SYNM: variants seen among roughly 807,000 people sequenced by gnomAD.
The protein encoded by SYNM is synemin, also known as desmuslin.
In SYNM, 95 loss-of-function variants were observed where a neutral mutation model predicts 104.0. The observed-to-expected ratio is 0.91, with a 90% CI of 0.77 to 1.08. SYNM has a LOEUF of 1.08. SYNM is among the 50% of genes least tolerant of loss of function. The pLI, the probability that SYNM is intolerant of heterozygous loss-of-function variation, is 0.00. For synonymous variants in SYNM, 918 were observed against 869.0 expected (o/e 1.06, Z -0.99); for missense variants, 2,150 against 2,052.2 (o/e 1.05, Z -0.92).
At position 99,132,484 on chromosome 15, in the gene SYNM, T is replaced by C; in HGVS notation, c.4124T>C (p.Val1375Ala). 1.2e-6 allele frequency: 2 copies of C among 1,613,974 alleles called. No homozygotes were observed. Among genetic ancestry groups the C allele is most frequent in the African/African-American group, 2.7e-5 (2 of 75,030 alleles). The change falls in exon 4 of 4, where the codon GTC (valine) becomes GCC (alanine). Residue 1375 changes from valine (V) to alanine (A), a missense_variant. Transcript: ENST00000336292. ...VMTEKSTFQSVVSESPQEDSA... is the reference protein window; with the variant it reads ...VMTEKSTFQSAVSESPQEDSA... The stretch of plus-strand genomic sequence containing the variant: ...ACTGAAAAGAGCACCTTCCAAAGTG[T>C]CGTTTCTGAATCTCCCCAGGAGGAT...
chr15:99,139,835 A>G (rs908292849), downstream of SYNM: 5 of 1,028,466 alleles, frequency 4.9e-6, no homozygotes, highest in Non-Finnish European at 6.5e-6. Context: ...TCTTGACTAC[A>G]CAGCAATGTC....
At chr15:99,139,899 G>T, downstream of SYNM, 1 of 485,884 alleles carries the variant, frequency 2.1e-6, no homozygotes, top group Non-Finnish European at 3.3e-6. Flanking sequence ...GCTGGCTTTG[G>T]CTTGATTTCT....
At chr15:99,120,651 G>A (rs1337687065) in intron 2 of SYNM, among the ~76,000 whole-genome samples, 1 of 152,212 alleles carries the variant, frequency 6.6e-6, no homozygotes, top group Non-Finnish European at 1.5e-5. Context: ...TGTAGATGAG[G>A]CAGCATGGAT....
Position 99,132,666 on chromosome 15 carries a change from C to T in SYNM, c.4306C>T (p.Pro1436Ser), listed in dbSNP as rs1415600040. 6.2e-7 allele frequency: 1 copy of T among 1,614,034 alleles called. No homozygotes were observed. The highest frequency in any genetic ancestry group is 1.1e-5 in the South Asian group (1 of 91,078). ...TGTGCTTGCTGGTTCAGCGGACTCC[C>T]CTGAGCTAGGCAAGTTAGCAGACAG... ...TFVLAGSADS[P>S]ELGKLADSSR... Residue 1436 changes from proline (P) to serine (S), a missense_variant, in exon 4 of 4, where the codon CCT becomes TCT. By Grantham distance (74) the Pro-to-Ser change is moderately conservative. Transcript: ENST00000336292.
chr15:99,113,758 G>A lies in SYNM; in HGVS notation c.935+43G>A, dbSNP rs781907607. 5 of 1,607,690 alleles carry A rather than the reference G, an allele frequency of 3.1e-6. No individual in the cohort carries two copies. In the Admixed American group the frequency reaches 8.4e-5, roughly 27 times the overall value. On this transcript the variant is annotated intron_variant, in intron 2 of 3. Transcript: ENST00000336292. Reference sequence around the variant, plus strand: ...AGTTGGCCTTGACGAAGCCATGGGGGTGTAACTTGCACATGAAGGAAACTG... The same window carrying A: ...AGTTGGCCTTGACGAAGCCATGGGGATGTAACTTGCACATGAAGGAAACTG...
chr15:99,130,075 T>G lies in SYNM; in HGVS notation c.1715T>G (p.Val572Gly), dbSNP rs1418551876. The change falls in exon 4 of 4, where the codon GTG (valine) becomes GGG (glycine). Residue 572 changes from valine to glycine, a missense_variant. Coordinates refer to ENST00000336292, the MANE Select transcript of SYNM (RefSeq NM_145728.3). ...AAGGACTCACCGAAGGAGAAGAGCGTGCGAGAGAGAGAGGTGCCGATTAGT... is the reference window on the plus strand; with the variant it reads ...AAGGACTCACCGAAGGAGAAGAGCGGGCGAGAGAGAGAGGTGCCGATTAGT... The part of the protein sequence containing the change: ...KEKDSPKEKS[V>G]REREVPISLE... 1 of 1,613,730 alleles carries G rather than the reference T, an allele frequency of 6.2e-7. No individual in the cohort carries two copies. The highest frequency in any genetic ancestry group is 8.5e-7 in the Non-Finnish European group (1 of 1,179,870).
chr15:99,127,562 T>C (rs1285181244), intron 3 of SYNM, among the ~76,000 whole-genome samples: 2 of 152,230 alleles, frequency 1.3e-5, no homozygotes, highest in Non-Finnish European at 2.9e-5. Context: ...TTTAGGCAAC[T>C]CATGGATTTG....
At position 99,131,860 on chromosome 15, in the gene SYNM, C is replaced by G; in HGVS notation, c.3500C>G (p.Ala1167Gly). 1 of 1,613,924 alleles carries G rather than the reference C, an allele frequency of 6.2e-7. No individual in the cohort carries two copies. The highest frequency in any genetic ancestry group is 1.3e-5 in the African/African-American group (1 of 75,062). Reference protein sequence around the residue: ...DLSQAASPTGASRSVRHVTLG... With the variant: ...DLSQAASPTGGSRSVRHVTLG... ...AGTCAGGCAGCGAGCCCGACCGGAG[C>G]CAGCCGGTCTGTGAGGCATGTCACG... The change falls in exon 4 of 4, where the codon GCC becomes GGC. Residue 1167 changes from alanine to glycine, a missense_variant. Coordinates refer to ENST00000336292, the MANE Select transcript of SYNM (RefSeq NM_145728.3). This position sits in a 1 kb window ranked among gnomAD's most constrained non-coding sequence, Gnocchi z 4.3.
intron 2 of SYNM, among the ~76,000 whole-genome samples, chr15:99,115,197 GC>G (rs1567276487): frequency 6.6e-6 from 1 of 152,172 alleles, no homozygotes; most frequent in Non-Finnish European, 1.5e-5. Context: ...GGAACATGTG[GC>G]AGTGGAGGGT....
chr15:99,135,674 C>T (rs1487650047), downstream of SYNM: 2 of 152,516 alleles, frequency 1.3e-5, no homozygotes, highest in Non-Finnish European at 2.9e-5. Flanking sequence ...TGTGTGTTTA[C>T]ATGCATGTTT....
rs376601188 is a variant in SYNM, at chr15:99,131,000, C to T, written c.2640C>T (p.Asp880=). 512 of 1,613,556 alleles carry T rather than the reference C, an allele frequency of 3.2e-4. 8 individuals are homozygous for T. The South Asian group carries it at 4.5e-3, about 14-fold the overall frequency. ...GGACTCGAAGGAGGACACAGAAGGA[C>T]GGTGCAGTGGGCGAGAAGGTTGTGA... The part of the protein sequence containing the change: ...VQGTRRRTQK[D]GAVGEKVVKP... The change falls in exon 4 of 4, where the codon GAC becomes GAT. Residue 880 remains aspartate (D), a synonymous_variant. Coordinates refer to ENST00000336292, the MANE Select transcript of SYNM (RefSeq NM_145728.3).
Position 99,129,609 on chromosome 15 carries a change from A to C in SYNM, c.1249A>C (p.Lys417Gln). The C allele has an allele frequency of 6.2e-7, 1 of 1,613,956 alleles. No homozygotes were observed. Among genetic ancestry groups the C allele is most frequent in the Non-Finnish European group, 8.5e-7 (1 of 1,179,890 alleles). The change falls in exon 4 of 4, where the codon AAA (lysine) becomes CAA (glutamine). Residue 417 changes from lysine to glutamine, a missense_variant. Coordinates refer to ENST00000336292, the MANE Select transcript of SYNM (RefSeq NM_145728.3). ...ATTQQENSYG[K>Q]AVSSQTNVRT... The stretch of plus-strand genomic sequence containing the variant: ...TACCCAGCAGGAAAACTCATACGGA[A>C]AAGCCGTCAGCAGTCAAACCAACGT...
In SYNM at chr15:99,105,828, A is replaced by G. The variant is rs1335145165; in HGVS notation, c.629A>G (p.Glu210Gly). 1.9e-6 allele frequency: 3 copies of G among 1,542,050 alleles called. No homozygotes were observed. Among genetic ancestry groups the G allele is most frequent in the Non-Finnish European group, 1.7e-6 (2 of 1,145,642 alleles). ...QLYEDEVREL[E>G]EALRRGQESR... is the part of the protein sequence containing the mutation. ...TACGAGGACGAGGTGCGCGAGCTGGAGGAGGCGCTGCGGCGCGGCCAGGAG... is the reference window on the plus strand; with the variant it reads ...TACGAGGACGAGGTGCGCGAGCTGGGGGAGGCGCTGCGGCGCGGCCAGGAG... The change falls in exon 1 of 4, where the codon GAG becomes GGG. Residue 210 changes from glutamate to glycine, a missense_variant. Coordinates refer to ENST00000336292, the MANE Select transcript of SYNM (RefSeq NM_145728.3).
At position 99,113,070 on chromosome 15, in the gene SYNM, C is replaced by G. The variant is rs76360876; in HGVS notation, c.811-521C>G. 1.0e-3 allele frequency among the ~76,000 whole-genome samples: 153 copies of G among 152,316 alleles called. 1 individual carries two copies. Among genetic ancestry groups the G allele is most frequent in the African/African-American group, 3.3e-3 (138 of 41,570 alleles). ...TCATTTATGCCCAGAATGCATTTCTCCCCAGATGATCTTAAAGTAGCTTTT... is the reference window on the plus strand; with the variant it reads ...TCATTTATGCCCAGAATGCATTTCTGCCCAGATGATCTTAAAGTAGCTTTT... On this transcript the variant is annotated intron_variant, in intron 1 of 3. Coordinates refer to ENST00000336292, the MANE Select transcript of SYNM (RefSeq NM_145728.3).
In SYNM at chr15:99,105,430, C is replaced by T; in HGVS notation, c.231C>T (p.Ala77=). The stretch of plus-strand genomic sequence containing the variant: ...AGCAGCTGGACGAGCTGAGCTGGGC[C>T]ACTGCGCTGGCGGAGGGCGAGCGGG... The part of the protein sequence containing the change: ...LRQQLDELSW[A]TALAEGERDA... Residue 77 remains alanine (A), a synonymous_variant, in exon 1 of 4, where the codon GCC becomes GCT. Transcript: ENST00000336292. The T allele has an allele frequency of 6.8e-7, 1 of 1,474,582 alleles. No individual in the cohort carries two copies. Among genetic ancestry groups the T allele is most frequent in the South Asian group, 1.3e-5 (1 of 77,176 alleles). The allele number at this position is 1,474,582 out of a possible 1,614,324, so 91.3% of individuals were successfully genotyped here. A position where few individuals can be genotyped will look rare whatever the true frequency, so the allele number is the denominator to read the frequency against.
chr15:99,117,588 TTC>T (rs2067361372), intron 2 of SYNM, among the ~76,000 whole-genome samples: 1 of 152,230 alleles, frequency 6.6e-6, no homozygotes, highest in Admixed American at 6.5e-5. Flanking sequence ...TCTGTAATAG[TTC>T]TCTGAGTTAG....
intron 1 of SYNM, among the ~76,000 whole-genome samples, chr15:99,107,359 G>T (rs1399088655): frequency 6.6e-6 from 1 of 152,184 alleles, no homozygotes; most frequent in Admixed American, 6.5e-5. Context: ...GTTAAAAAGT[G>T]CCTTAATGTG....
intron 2 of SYNM, among the ~76,000 whole-genome samples, chr15:99,114,567 C>A (rs1344397640): frequency 2.6e-5 from 4 of 152,092 alleles, no homozygotes; most frequent in African/African-American, 9.7e-5. Flanking sequence ...AACTGAATCT[C>A]TTCCAAGAGA....
At chr15:99,126,348 A>G (rs2067447281) in intron 2 of SYNM, among the ~76,000 whole-genome samples, 1 of 152,204 alleles carries the variant, frequency 6.6e-6, no homozygotes, top group South Asian at 2.1e-4. Flanking sequence ...TGGGGCCCAC[A>G]TCTCTCCAGT....
Sources: allele counts gnomAD v4.1 joint callset (sites outside exome capture counted in the v4.1 genomes callset), GRCh38; gene constraint gnomAD v4.1.1; non-coding constraint Gnocchi (gnomAD v3.1); transcripts MANE v1.5; gene names NCBI Gene and HGNC (gene_info 2026-07-23, HGNC 2026-07-21).